GPC5: variants seen among roughly 807,000 people sequenced by gnomAD.
GPC5 encodes glypican 5.
GPC5 carries 47 observed loss-of-function variants against 53.9 expected under a neutral mutation model. The ratio of observed to expected loss-of-function variants is 0.87; its 90% CI spans 0.69 to 1.11. GPC5 has a LOEUF of 1.11. Ranked by LOEUF, GPC5 falls within the 50% of genes most tolerant of loss-of-function variation. The probability of loss-of-function intolerance (pLI) is 0.00; values close to 1 mark genes in which losing one functional copy is unlikely to be tolerated. For missense variants in GPC5, 748 were observed against 713.1 expected (o/e 1.05, Z -0.56); for synonymous variants, 286 against 263.3 (o/e 1.09, Z -0.84).
At chr13:92,616,019 A>G (rs775390264) in intron 7 of GPC5, among the ~76,000 whole-genome samples, 1 of 152,194 alleles carries the variant, frequency 6.6e-6, no homozygotes, top group Non-Finnish European at 1.5e-5. Flanking sequence ...GCGCCACTGC[A>G]CTCCAGCCTG....
Position 92,154,210 on chromosome 13 carries a change from C to T in GPC5, c.1561+9221C>T, listed in dbSNP as rs539367512. Reference sequence around the variant, plus strand: ...CTCATGCATTCAGAGCTAGAATTTACTCATTATCATATGGAGGGCACCAAG... The same window carrying T: ...CTCATGCATTCAGAGCTAGAATTTATTCATTATCATATGGAGGGCACCAAG... On this transcript the variant is annotated intron_variant, in intron 7 of 7. Transcript: ENST00000377067. Among the ~76,000 whole-genome samples the T allele has an allele frequency of 7.9e-5, 12 of 152,248 alleles. No individual in the cohort carries two copies. In the South Asian group the frequency reaches 2.1e-3, roughly 26 times the overall value.
rs548909420 is a variant in GPC5 at position 92,132,477 on chromosome 13, C to T, written c.1402-12353C>T. ...TTCCTCCAGAAGGATATGAGGGAGG[C>T]TGTCTGTGTTTCCTGAATCTCTTGC... On this transcript the variant is annotated intron_variant, in intron 6 of 7. Coordinates refer to ENST00000377067, the MANE Select transcript of GPC5 (RefSeq NM_004466.6). Among the ~76,000 whole-genome samples the T allele has an allele frequency of 1.1e-4, 17 of 152,218 alleles. 1 individual carries two copies. The highest frequency in any genetic ancestry group is 9.8e-4 in the Admixed American group (15 of 15,268).
In GPC5 at chr13:91,937,179, A is replaced by C. The variant is rs1594674315; in HGVS notation, c.1401+29122A>C. On this transcript the variant is annotated intron_variant, in intron 6 of 7. Transcript: ENST00000377067. ...GACAAAGAAGGCAGTTTGGTCAACT[A>C]TCATGTAACAACCACTCATGTAAAG... 2.0e-5 allele frequency among the ~76,000 whole-genome samples: 3 copies of C among 152,080 alleles called. No homozygotes were observed. The South Asian group carries it at 6.2e-4, about 31-fold the overall frequency.
At chr13:91,589,788 T>G (rs1355921646) in intron 2 of GPC5, among the ~76,000 whole-genome samples, 2 of 152,174 alleles carry the variant, frequency 1.3e-5, no homozygotes, top group African/African-American at 2.4e-5. Context: ...TTATTTAATT[T>G]GAATATGTGT....
chr13:91,941,153 G>T (rs1000983314), intron 6 of GPC5, among the ~76,000 whole-genome samples: 1 of 151,864 alleles, frequency 6.6e-6, no homozygotes, highest in Non-Finnish European at 1.5e-5. Context: ...AAGATCAGAT[G>T]GTTATAGGCA....
intron 6 of GPC5, among the ~76,000 whole-genome samples, chr13:92,131,644 A>G (rs2041744221): frequency 6.6e-6 from 1 of 152,034 alleles, no homozygotes; most frequent in Admixed American, 6.6e-5. Context: ...TATTAATGGA[A>G]TGAATCTATG....
chr13:92,378,558 C>G (rs1053237057), intron 7 of GPC5, among the ~76,000 whole-genome samples: 2 of 152,138 alleles, frequency 1.3e-5, no homozygotes, highest in African/African-American at 4.8e-5. Flanking sequence ...ATAGCGTGGA[C>G]TTTGGAGCCA....
intron 2 of GPC5, among the ~76,000 whole-genome samples, chr13:91,497,049 T>C (rs2139277865): frequency 6.6e-6 from 1 of 152,320 alleles, no homozygotes; most frequent in African/African-American, 2.4e-5. Flanking sequence ...AAAATTAATA[T>C]GCTTTTTTCC....
chr13:92,191,897 G>A (rs1001926010), intron 7 of GPC5, among the ~76,000 whole-genome samples: 1 of 152,148 alleles, frequency 6.6e-6, no homozygotes, highest in Non-Finnish European at 1.5e-5. Context: ...TTTACAGTAG[G>A]TTTATCCAGA....
At chr13:91,419,679 C>G (rs1401245818) in intron 1 of GPC5, among the ~76,000 whole-genome samples, 1 of 152,120 alleles carries the variant, frequency 6.6e-6, no homozygotes. Context: ...GCAGAGGCAA[C>G]TATTTCTATG....
At chr13:91,664,811 G>A (rs1191185685) in intron 2 of GPC5, among the ~76,000 whole-genome samples, 1 of 152,116 alleles carries the variant, frequency 6.6e-6, no homozygotes, top group Non-Finnish European at 1.5e-5. Context: ...TACTAAACTG[G>A]GACCATTAAC....
chr13:92,004,864 C>T (rs944294519), intron 6 of GPC5, among the ~76,000 whole-genome samples: 1 of 152,034 alleles, frequency 6.6e-6, no homozygotes, highest in East Asian at 1.9e-4. Flanking sequence ...GGAAACTGCC[C>T]TCATGATTCA....
intron 1 of GPC5, among the ~76,000 whole-genome samples, chr13:91,412,205 C>T (rs1002419940): frequency 4.6e-5 from 7 of 152,230 alleles, no homozygotes; most frequent in African/African-American, 1.7e-4. Flanking sequence ...GAATTCTCTG[C>T]CTATCACCAT....
At chr13:92,216,978 CAAAAAAA>C (rs61411051) in intron 7 of GPC5, among the ~76,000 whole-genome samples, 3 of 93,656 alleles carry the variant, frequency 3.2e-5, no homozygotes, top group South Asian at 7.6e-4. Flanking sequence ...GATCTTGTCT[CAAAAAAA>C]AAAAAAAAAA....
At chr13:91,400,711 C>T (rs959985268) in intron 1 of GPC5, among the ~76,000 whole-genome samples, 9 of 152,188 alleles carry the variant, frequency 5.9e-5, no homozygotes, top group African/African-American at 2.2e-4. Context: ...CCAGCCCCTT[C>T]TCCCCAGTAA....
Position 92,584,375 on chromosome 13 carries a change from A to G in GPC5, c.1562-281907A>G, listed in dbSNP as rs548811193. Among the ~76,000 whole-genome samples, 8 of 152,298 alleles carry G rather than the reference A, an allele frequency of 5.3e-5. No homozygotes were observed. In the East Asian group the frequency reaches 1.4e-3, roughly 26 times the overall value. ...TGACTCTTGCTATGTTTTAGCAAAA[A>G]GACTTGCAGGATTTTGCCCCTGCCC... On this transcript the variant is annotated intron_variant, in intron 7 of 7. Transcript: ENST00000377067.
chr13:92,808,815 G>C (rs1490645261), intron 7 of GPC5, among the ~76,000 whole-genome samples: 1 of 151,720 alleles, frequency 6.6e-6, no homozygotes, highest in Admixed American at 6.6e-5. Context: ...CTTTTTAGTG[G>C]TATAATCAAC....
chr13:92,286,019 C>G (rs1045153802), intron 7 of GPC5, among the ~76,000 whole-genome samples: 3 of 152,086 alleles, frequency 2.0e-5, no homozygotes, highest in African/African-American at 7.2e-5. Context: ...TATCCAGAAT[C>G]TACAAAGAAC....
chr13:92,181,562 A>G (rs1416052266), intron 7 of GPC5, among the ~76,000 whole-genome samples: 1 of 152,230 alleles, frequency 6.6e-6, no homozygotes, highest in African/African-American at 2.4e-5. Context: ...AATATTTTAA[A>G]TGTGCACATG....
Sources: gnomAD v4.1 joint callset for allele counts (sites outside exome capture counted in the v4.1 genomes callset) on GRCh38, gnomAD v4.1.1 for gene constraint, MANE v1.5 for transcripts, NCBI Gene and HGNC (gene_info 2026-07-23, HGNC 2026-07-21) for gene names.